AGR2: variants seen among roughly 807,000 people sequenced by gnomAD.
AGR2 encodes anterior gradient 2, protein disulphide isomerase family member.
Under a neutral mutation model 25.9 loss-of-function variants are expected in AGR2, and 27 were observed. That is an observed-to-expected ratio of 1.04 (90% CI 0.77 to 1.44). The LOEUF is 1.44. Ranked by LOEUF, AGR2 falls within the 40% of genes most tolerant of loss-of-function variation. The probability of loss-of-function intolerance (pLI) is 0.00; values close to 1 mark genes in which losing one functional copy is unlikely to be tolerated. For synonymous variants in AGR2, 78 were observed against 72.0 expected (o/e 1.08, Z -0.42); for missense variants, 182 against 200.9 (o/e 0.91, Z 0.57).
chr7:16,800,270 A>G (rs578133758), intron 4 of AGR2, among the ~76,000 whole-genome samples: 1 of 152,264 alleles, frequency 6.6e-6, no homozygotes, highest in African/African-American at 2.4e-5. Context: ...TGGTCAGGGC[A>G]GATCTTCCTG....
chr7:16,799,398 G>C (rs558172806), intron 5 of AGR2, among the ~76,000 whole-genome samples: 27 of 152,270 alleles, frequency 1.8e-4, no homozygotes, highest in African/African-American at 6.0e-4. Context: ...CCAGAGAGCT[G>C]TCTCTTCCCA....
chr7:16,793,421 G>A (rs1477696087), intron 7 of AGR2, among the ~76,000 whole-genome samples: 1 of 152,154 alleles, frequency 6.6e-6, no homozygotes, highest in Non-Finnish European at 1.5e-5. Flanking sequence ...ATATGAAATG[G>A]CTTTTGTGAC....
intron 5 of AGR2, among the ~76,000 whole-genome samples, chr7:16,799,264 A>G (rs2115356963): frequency 6.6e-6 from 1 of 152,282 alleles, no homozygotes; most frequent in East Asian, 1.9e-4. Flanking sequence ...AAAATGAAAC[A>G]TTTGTATACA....
chr7:16,804,263 T>C (rs1453000387), intron 1 of AGR2, among the ~76,000 whole-genome samples: 18 of 72,532 alleles, frequency 2.5e-4, no homozygotes, highest in African/African-American at 6.4e-4. Context: ...CACACAGACA[T>C]AGGTACACAC....
rs2115348537 is a variant in AGR2, at chr7:16,791,955, G to A, written c.*953C>T. ...AGGAATTCCATATATTAATGAATGT[G>A]AGATTAAGTATAGAGTGAAGACATT... is the stretch of plus-strand genomic sequence containing the variant. On this transcript the variant is annotated 3_prime_UTR_variant, in exon 8 of 8. Transcript: ENST00000419304. 6.6e-6 allele frequency: 1 copy of A among 152,366 alleles called. No individual in the cohort carries two copies. Among genetic ancestry groups the A allele is most frequent in the East Asian group, 1.9e-4 (1 of 5,188 alleles). The allele number at this position is 152,366 out of a possible 1,614,324, so 9.4% of individuals were successfully genotyped here. A position where few individuals can be genotyped will look rare whatever the true frequency, so the allele number is the denominator to read the frequency against.
chr7:16,795,286 A>G lies in AGR2; in HGVS notation c.395-267T>C, dbSNP rs77322472. Among the ~76,000 whole-genome samples the G allele has an allele frequency of 1.6e-3, 239 of 151,648 alleles. 6 individuals carry two copies. In the East Asian group the frequency reaches 0.034, roughly 21 times the overall value. ...CTGTTCTATCTATGGCAACCTGAAA[A>G]CAGAATAATATATATTTAGGGGTGA... On this transcript the variant is annotated intron_variant, in intron 6 of 7. Transcript: ENST00000419304.
intron 5 of AGR2, among the ~76,000 whole-genome samples, chr7:16,798,550 A>G (rs1583807669): frequency 1.3e-5 from 2 of 152,216 alleles, no homozygotes; most frequent in African/African-American, 2.4e-5. Flanking sequence ...GAGGGATGTT[A>G]GAAGAGGCAC....
chr7:16,803,758 C>T (rs1785186616), intron 1 of AGR2, among the ~76,000 whole-genome samples: 1 of 152,104 alleles, frequency 6.6e-6, no homozygotes, highest in African/African-American at 2.4e-5. Context: ...CAATTCTCAG[C>T]CCTCTTTGTA....
intron 1 of AGR2, among the ~76,000 whole-genome samples, chr7:16,804,249 GACACACACAGACATAGGTACACAC>G (rs1408706828): frequency 1.4e-5 from 2 of 147,446 alleles, no homozygotes; most frequent in Non-Finnish European, 3.0e-5. Flanking sequence ...ATAATTTGGA[GACACACACAGACATAGGTACACAC>G]ACACACACAC....
chr7:16,797,722 G>A, intron 5 of AGR2, 28 bp from the exon 6 acceptor site: 1 of 1,595,378 alleles, frequency 6.3e-7, no homozygotes, highest in Non-Finnish European at 8.6e-7. Flanking sequence ...GCATCTTTTA[G>A]TTTACTTTGA....
chr7:16,794,060 C>T (rs969855998), intron 7 of AGR2, among the ~76,000 whole-genome samples: 10 of 152,180 alleles, frequency 6.6e-5, no homozygotes, highest in South Asian at 2.1e-4. Context: ...ACACTGGAAA[C>T]ATTGCTAATG....
intron 5 of AGR2, among the ~76,000 whole-genome samples, chr7:16,798,027 C>T (rs757829510): frequency 1.1e-4 from 16 of 152,260 alleles, no homozygotes; most frequent in Admixed American, 2.6e-4. Context: ...AGAGAAATTA[C>T]GGAGACAAGT....
At chr7:16,792,997 T>A (rs764986074) in intron 7 of AGR2, 40 bp from the exon 8 acceptor site, 10 of 1,577,936 alleles carry the variant, frequency 6.3e-6, no homozygotes, top group Non-Finnish European at 8.7e-6. Context: ...GACACCATCG[T>A]GCGTTATATC....
rs769729027 is a variant in AGR2 at position 16,801,119 on chromosome 7, T to G, written c.256+32A>C. 6.9e-6 allele frequency: 11 copies of G among 1,596,832 alleles called. No individual in the cohort carries two copies. In the Admixed American group the frequency reaches 1.4e-4, roughly 20 times the overall value. On this transcript the variant is annotated intron_variant, in intron 4 of 7. Transcript: ENST00000419304. Reference sequence around the variant, plus strand: ...CCCTGGCCCTAAGGCTAAAAGCCTATAAAGGAAATCATACTTAGAAGAATA... The same window carrying G: ...CCCTGGCCCTAAGGCTAAAAGCCTAGAAAGGAAATCATACTTAGAAGAATA...
In AGR2 at chr7:16,799,521, A is replaced by AT. The variant is rs1385505418; in HGVS notation, c.330+222dup. ...GAAAAAATTCTGACTACGGGAGATA[A>AT]TTTTTCAGACAAACTAAGATGATTA... On this transcript the variant is annotated intron_variant, in intron 5 of 7. Coordinates refer to ENST00000419304, the MANE Select transcript of AGR2 (RefSeq NM_006408.4). The AT allele has an allele frequency of 1.2e-4, 58 of 471,872 alleles. No homozygotes were observed. In the East Asian group the frequency reaches 1.9e-3, roughly 16 times the overall value. The allele number at this position is 471,872 out of a possible 1,614,324, so 29.2% of individuals were successfully genotyped here. A position where few individuals can be genotyped will look rare whatever the true frequency, so the allele number is the denominator to read the frequency against.
At chr7:16,804,122 C>T (rs1480506718) in intron 1 of AGR2, among the ~76,000 whole-genome samples, 2 of 152,062 alleles carry the variant, frequency 1.3e-5, no homozygotes, top group Non-Finnish European at 2.9e-5. Flanking sequence ...TACAAACATC[C>T]TGCTGTGGGG....
At chr7:16,801,261 T>C in intron 3 of AGR2, 58 bp from the exon 4 acceptor site, 1 of 1,607,018 alleles carries the variant, frequency 6.2e-7, no homozygotes, top group East Asian at 2.2e-5. Context: ...TATATCTAGA[T>C]GTCACTAGGT....
At chr7:16,802,321 T>C (rs1785163024) in intron 1 of AGR2, among the ~76,000 whole-genome samples, 1 of 152,198 alleles carries the variant, frequency 6.6e-6, no homozygotes, top group Admixed American at 6.5e-5. Context: ...TTGGTACTAA[T>C]GTGCGGTTTC....
intron 7 of AGR2, 180 bp downstream of exon 7, chr7:16,794,756 A>C: frequency 2.8e-6 from 4 of 1,448,808 alleles, no homozygotes; most frequent in Non-Finnish European, 3.7e-6. Context: ...AAAACAAACA[A>C]ACCTGAGATG....
Sources: allele counts gnomAD v4.1 joint callset (sites outside exome capture counted in the v4.1 genomes callset), GRCh38; gene constraint gnomAD v4.1.1; transcripts MANE v1.5; gene names NCBI Gene and HGNC (gene_info 2026-07-23, HGNC 2026-07-21).